Variants in EPAS1 observed in about 807,000 individuals in gnomAD.
EPAS1 encodes the protein endothelial PAS domain-containing protein 1.
Under a neutral mutation model 87.9 loss-of-function variants are expected in EPAS1, and 23 were observed. The observed-to-expected ratio is 0.26, with a 90% CI of 0.19 to 0.37. The LOEUF is 0.37. Among genes scored for constraint, EPAS1 ranks in the 10% least tolerant of loss-of-function variants. EPAS1 has a pLI of 1.00. For missense variants in EPAS1, 1,138 were observed against 1,120.7 expected (o/e 1.02, Z -0.22); for synonymous variants, 508 against 444.3 (o/e 1.14, Z -1.80).
chr2:46,340,516 C>A (rs1683890118), intron 1 of EPAS1, among the ~76,000 whole-genome samples: 2 of 152,156 alleles, frequency 1.3e-5, no homozygotes, highest in Admixed American at 1.3e-4. Context: ...TCTTCTTTGT[C>A]CCCTCTTGTA....
Position 46,347,349 on chromosome 2 carries a change from C to G in EPAS1, c.217+286C>G, listed in dbSNP as rs923541102. On this transcript the variant is annotated intron_variant, in intron 2 of 15. Coordinates refer to ENST00000263734, the MANE Select transcript of EPAS1 (RefSeq NM_001430.5). The surrounding 1 kb of genome is among the most constrained non-coding windows in gnomAD (Gnocchi z 4.2). ...CACGGGCTGGGAGAACCAAGGACGG[C>G]TTTTGCTGACTTCTCAATTTGTTGC... is the stretch of plus-strand genomic sequence containing the variant. 5 of 497,858 alleles carry G rather than the reference C, an allele frequency of 1.0e-5. No individual in the cohort carries two copies. Among genetic ancestry groups the G allele is most frequent in the African/African-American group, 7.8e-5 (4 of 51,590 alleles). The allele number at this position is 497,858 out of a possible 1,614,324, so 30.8% of individuals were successfully genotyped here.
rs1684983679 is a variant in EPAS1, at chr2:46,385,059, T to C, written c.*399T>C. 1 of 204,694 alleles carries C rather than the reference T, an allele frequency of 4.9e-6. No individual in the cohort carries two copies. Among genetic ancestry groups the C allele is most frequent in the African/African-American group, 2.3e-5 (1 of 43,352 alleles). 12.7% of individuals were successfully genotyped at this position (204,694 alleles called of 1,614,324 possible). A position where few individuals can be genotyped will look rare whatever the true frequency, so the allele number is the denominator to read the frequency against. ...TTTAGCTTCATTTTACTAAAAAGAT[T>C]CCTCGTTATTGTTGTTGCCAAAGAG... On this transcript the variant is annotated 3_prime_UTR_variant, in exon 16 of 16. Coordinates refer to ENST00000263734, the MANE Select transcript of EPAS1 (RefSeq NM_001430.5).
At chr2:46,382,721 C>A (rs1205400064) in intron 15 of EPAS1, 123 bp downstream of exon 15, 8 of 1,280,318 alleles carry the variant, frequency 6.2e-6, no homozygotes, top group Admixed American at 4.0e-5. Flanking sequence ...TTGAAGTCAC[C>A]TATACAGGGC....
At chr2:46,362,012 T>C (rs1684400260) in intron 6 of EPAS1, among the ~76,000 whole-genome samples, 1 of 152,218 alleles carries the variant, frequency 6.6e-6, no homozygotes, top group South Asian at 2.1e-4. Context: ...TGCAGAAGAC[T>C]GGGCCCAGGG....
At chr2:46,334,080 G>A (rs1683741424) in intron 1 of EPAS1, among the ~76,000 whole-genome samples, 1 of 152,132 alleles carries the variant, frequency 6.6e-6, no homozygotes. Flanking sequence ...GCCATATTTA[G>A]AGCTTCCAAC....
At position 46,380,681 on chromosome 2, in the gene EPAS1, C is replaced by G. The variant is rs139763806; in HGVS notation, c.2009C>G (p.Pro670Arg). The G allele has an allele frequency of 1.5e-5, 24 of 1,613,732 alleles. No individual in the cohort carries two copies. The African/African-American group carries it at 2.8e-4, about 19-fold the overall frequency. ...TTGGGAGCAGCGCCGTTGGGGCCCC[C>G]TGTCTCTCCACCCCATGTCTCCACC... ...EFLGAAPLGP[P>R]VSPPHVSTFK... Residue 670 changes from proline (P) to arginine (R), a missense_variant, in exon 12 of 16, where the codon CCT becomes CGT. Physicochemically the swap from Pro to Arg is moderately radical, Grantham distance 103. Around this residue, in one of 4 missense-constraint regions of EPAS1, gnomAD observed 502 missense variants for 427.1 expected, o/e 1.18. Transcript: ENST00000263734. This position sits in a 1 kb window ranked among gnomAD's most constrained non-coding sequence, Gnocchi z 4.4.
chr2:46,375,195 A>AAC lies in EPAS1; in HGVS notation c.887-494_887-493insCA. The stretch of plus-strand genomic sequence containing the variant: ...GGTCTGCTGAAAAAAAAAAACAAAA[A>AAC]AAAACAAAAAAAACTGCCCTGAGGT... On this transcript the variant is annotated intron_variant, in intron 7 of 15. Transcript: ENST00000263734. The surrounding 1 kb of genome is among the most constrained non-coding windows in gnomAD (Gnocchi z 4.1). Among the ~76,000 whole-genome samples, 1 of 151,576 alleles carries AAC rather than the reference A, an allele frequency of 6.6e-6. No individual in the cohort carries two copies. Among genetic ancestry groups the AAC allele is most frequent in the Non-Finnish European group, 1.5e-5 (1 of 67,842 alleles).
In EPAS1 at chr2:46,336,545, T is replaced by C. The variant is rs571649657; in HGVS notation, c.27-10328T>C. ...ACTTGAAGGAGGAGAGGGACATTAA[T>C]GTAGGGCTTAGTAAAATCCCATAAA... On this transcript the variant is annotated intron_variant, in intron 1 of 15. Transcript: ENST00000263734. Among the ~76,000 whole-genome samples the C allele has an allele frequency of 4.1e-4, 62 of 152,260 alleles. 1 individual carries two copies. The South Asian group carries it at 0.012, about 30-fold the overall frequency.
Position 46,373,643 on chromosome 2 carries a change from C to T in EPAS1, c.887-2047C>T, listed in dbSNP as rs141689489. 4.7e-3 allele frequency among the ~76,000 whole-genome samples: 709 copies of T among 152,306 alleles called. 9 individuals are homozygous for T. The highest frequency in any genetic ancestry group is 0.015 in the African/African-American group (638 of 41,570). On this transcript the variant is annotated intron_variant, in intron 7 of 15. Coordinates refer to ENST00000263734, the MANE Select transcript of EPAS1 (RefSeq NM_001430.5). The stretch of plus-strand genomic sequence containing the variant: ...GAACCAGGGTGGGAATGAAGATTAA[C>T]TGCCCAGAGGCATAAAAAATGGGGT...
chr2:46,312,168 T>C (rs951625890), intron 1 of EPAS1, among the ~76,000 whole-genome samples: 12 of 152,242 alleles, frequency 7.9e-5, no homozygotes, highest in Non-Finnish European at 7.3e-5. Context: ...CACAGGGTTC[T>C]GTGTTTCTTG....
At chr2:46,330,476 G>A (rs115864805) in intron 1 of EPAS1, among the ~76,000 whole-genome samples, 6,191 of 152,290 alleles carry the variant, frequency 0.041, 424 homozygotes, top group African/African-American at 0.14. Flanking sequence ...AAAGAGCAGG[G>A]TTCCCAGTGG....
chr2:46,380,680 C>T lies in EPAS1; in HGVS notation c.2008C>T (p.Pro670Ser). 6.2e-7 allele frequency: 1 copy of T among 1,613,778 alleles called. No homozygotes were observed. Reference protein sequence around the residue: ...EFLGAAPLGPPVSPPHVSTFK... With the variant: ...EFLGAAPLGPSVSPPHVSTFK... ...CTTGGGAGCAGCGCCGTTGGGGCCC[C>T]CTGTCTCTCCACCCCATGTCTCCAC... is the stretch of plus-strand genomic sequence containing the variant. Residue 670 changes from proline to serine, a missense_variant, in exon 12 of 16, where the codon CCT becomes TCT. Physicochemically the swap from Pro to Ser is moderately conservative, Grantham distance 74. This residue lies in a region of EPAS1 where 502 missense variants were observed against 427.1 expected (regional missense o/e 1.18). Coordinates refer to ENST00000263734, the MANE Select transcript of EPAS1 (RefSeq NM_001430.5). The surrounding 1 kb of genome is among the most constrained non-coding windows in gnomAD (Gnocchi z 4.4).
At chr2:46,339,858 G>T (rs1683874254) in intron 1 of EPAS1, among the ~76,000 whole-genome samples, 1 of 152,162 alleles carries the variant, frequency 6.6e-6, no homozygotes, top group African/African-American at 2.4e-5. Flanking sequence ...GGGGTGAGAG[G>T]GTTCCCCTGG....
At position 46,384,762 on chromosome 2, in the gene EPAS1, A is replaced by G. The variant is rs965267146; in HGVS notation, c.*102A>G. The G allele has an allele frequency of 6.8e-7, 1 of 1,471,270 alleles. No homozygotes were observed. Among genetic ancestry groups the G allele is most frequent in the African/African-American group, 1.4e-5 (1 of 71,836 alleles). 91.1% of individuals were successfully genotyped at this position (1,471,270 alleles called of 1,614,324 possible). Reference sequence around the variant, plus strand: ...TAGGTATTTCTAACGCCAGCACACTATTTACAAGATGGACTTACCTGGCAG... The same window carrying G: ...TAGGTATTTCTAACGCCAGCACACTGTTTACAAGATGGACTTACCTGGCAG... On this transcript the variant is annotated 3_prime_UTR_variant, in exon 16 of 16. Transcript: ENST00000263734.
intron 1 of EPAS1, among the ~76,000 whole-genome samples, chr2:46,336,684 A>G (rs1683799658): frequency 6.6e-6 from 1 of 152,228 alleles, no homozygotes; most frequent in Non-Finnish European, 1.5e-5. Flanking sequence ...GCCAGATGGC[A>G]TCTTCAGTCT....
chr2:46,377,556 C>A (rs1485535360), intron 9 of EPAS1, among the ~76,000 whole-genome samples: 1 of 152,224 alleles, frequency 6.6e-6, no homozygotes, highest in African/African-American at 2.4e-5. Context: ...AGTACTGAGG[C>A]AAATAGCTCA....
Position 46,346,794 on chromosome 2 carries a change from G to C in EPAS1, c.27-79G>C. 6.6e-7 allele frequency: 1 copy of C among 1,505,904 alleles called. No individual in the cohort carries two copies. Among genetic ancestry groups the C allele is most frequent in the African/African-American group, 1.4e-5 (1 of 72,826 alleles). The allele number at this position is 1,505,904 out of a possible 1,614,324, so 93.3% of individuals were successfully genotyped here. A position where few individuals can be genotyped will look rare whatever the true frequency, so the allele number is the denominator to read the frequency against. On this transcript the variant is annotated intron_variant, in intron 1 of 15. Coordinates refer to ENST00000263734, the MANE Select transcript of EPAS1 (RefSeq NM_001430.5). This position sits in a 1 kb window ranked among gnomAD's most constrained non-coding sequence, Gnocchi z 4.0. ...GGAGTGTGGCTGCACTGGGGGTTGG[G>C]GCCATGGGGATGTCCTGGCCAGAGG...
chr2:46,378,865 A>C, intron 11 of EPAS1, 98 bp downstream of exon 11: 2 of 1,186,588 alleles, frequency 1.7e-6, no homozygotes, highest in Non-Finnish European at 2.5e-6. Flanking sequence ...TTTGTTGTAA[A>C]GAGCAGTGGA....
At chr2:46,325,640 G>A (rs1216468561) in intron 1 of EPAS1, among the ~76,000 whole-genome samples, 1 of 152,178 alleles carries the variant, frequency 6.6e-6, no homozygotes, top group East Asian at 1.9e-4. Context: ...TGTCAGGCAG[G>A]TGTTGGAGGA....
Sources: allele counts gnomAD v4.1 joint callset (sites outside exome capture counted in the v4.1 genomes callset), GRCh38; gene constraint gnomAD v4.1.1; regional missense constraint gnomAD v4.1.1; non-coding constraint Gnocchi (gnomAD v3.1); transcripts MANE v1.5; gene names NCBI Gene and HGNC (gene_info 2026-07-23, HGNC 2026-07-21).